The following SYNCRIP variants were observed in gnomAD, a reference collection of about 807,000 sequenced individuals.
SYNCRIP encodes the protein synaptotagmin binding cytoplasmic RNA interacting protein.
In SYNCRIP, 9 loss-of-function variants were observed where a neutral mutation model predicts 68.9. That is an observed-to-expected ratio of 0.13 (90% CI 0.08 to 0.23). The LOEUF (loss-of-function observed/expected upper bound fraction) is 0.23. SYNCRIP is among the 10% of genes least tolerant of loss of function. The pLI is 1.00. For synonymous variants in SYNCRIP, 258 were observed against 254.0 expected (o/e 1.02, Z -0.15); for missense variants, 414 against 770.6 (o/e 0.54, Z 5.48).
At chr6:85,642,509 C>A (rs1297399704) in intron 1 of SYNCRIP, among the ~76,000 whole-genome samples, 2 of 152,184 alleles carry the variant, frequency 1.3e-5, no homozygotes, top group Non-Finnish European at 2.9e-5. Context: ...GCGACCGCCA[C>A]GACAGCACCA....
chr6:85,642,362 C>G (rs1246228239), intron 1 of SYNCRIP, among the ~76,000 whole-genome samples: 1 of 152,168 alleles, frequency 6.6e-6, no homozygotes, highest in African/African-American at 2.4e-5. Context: ...GCAGTGACTG[C>G]GACGCCTGCC....
intron 6 of SYNCRIP, among the ~76,000 whole-genome samples, chr6:85,628,393 G>C (rs1172258756): frequency 2.0e-5 from 3 of 152,122 alleles, no homozygotes; most frequent in African/African-American, 4.8e-5. Flanking sequence ...TTTACAATAA[G>C]CCAAAATCTA....
Position 85,639,276 on chromosome 6 carries a change from G to A in SYNCRIP, c.375+945C>T, listed in dbSNP as rs540033548. 4.6e-5 allele frequency among the ~76,000 whole-genome samples: 7 copies of A among 152,182 alleles called. No homozygotes were observed. The East Asian group carries it at 1.3e-3, about 29-fold the overall frequency. The stretch of plus-strand genomic sequence containing the variant: ...TTGCAAAAAAAACTGAAAGCTAAAA[G>A]TCACAAACTAAAAGTTTAAAAACTT... On this transcript the variant is annotated intron_variant, in intron 4 of 10. Coordinates refer to ENST00000369622, the MANE Select transcript of SYNCRIP (RefSeq NM_006372.5).
chr6:85,633,714 G>T (rs1312773586), intron 6 of SYNCRIP, among the ~76,000 whole-genome samples: 1 of 151,932 alleles, frequency 6.6e-6, no homozygotes, highest in Admixed American at 6.5e-5. Context: ...TTTGAGACAG[G>T]GTCTCTGTTG....
rs140504135 is a variant in SYNCRIP, at chr6:85,625,747, C to A, written c.667-1635G>T. On this transcript the variant is annotated intron_variant, in intron 6 of 10. Transcript: ENST00000369622. ...TTGCCTTCCTTCCCTGAAACTTCTACCATACAAGCTCCTCTGGATACCTGT... is the reference window on the plus strand; with the variant it reads ...TTGCCTTCCTTCCCTGAAACTTCTAACATACAAGCTCCTCTGGATACCTGT... Among the ~76,000 whole-genome samples the A allele has an allele frequency of 7.9e-5, 12 of 152,266 alleles. No homozygotes were observed. In the East Asian group the frequency reaches 2.3e-3, roughly 29 times the overall value.
chr6:85,636,382 G>GGA (rs1349492292), intron 6 of SYNCRIP, among the ~76,000 whole-genome samples: 1 of 151,832 alleles, frequency 6.6e-6, no homozygotes, highest in Non-Finnish European at 1.5e-5. Flanking sequence ...AGGGGTGGAG[G>GGA]TTGCAGTGAG....
chr6:85,628,101 G>T (rs1807268230), intron 6 of SYNCRIP, among the ~76,000 whole-genome samples: 2 of 151,986 alleles, frequency 1.3e-5, no homozygotes, highest in African/African-American at 2.4e-5. Flanking sequence ...TGACACCCAG[G>T]ATGGAGTACA....
rs561096831 is a variant in SYNCRIP at position 85,635,773 on chromosome 6, CCAAAAAAAA to C, written c.666+1185_666+1193del. Among the ~76,000 whole-genome samples, 251 of 54,226 alleles carry C rather than the reference CCAAAAAAAA, an allele frequency of 4.6e-3. 4 individuals carry two copies. The highest frequency in any genetic ancestry group is 0.028 in the African/African-American group (246 of 8,648). The allele number at this position is 54,226 out of a possible 152,430, so 35.6% of individuals were successfully genotyped here. On this transcript the variant is annotated intron_variant, in intron 6 of 10. Transcript: ENST00000369622. ...AGGTGACAGAGTGAGATTCTATCTC[CCAAAAAAAA>C]AAAAAAAAAAAAAAAGAAAAGGAAG...
chr6:85,615,428 T>A, intron 10 of SYNCRIP, 81 bp from the exon 11 acceptor site: 1 of 916,788 alleles, frequency 1.1e-6, no homozygotes, highest in Non-Finnish European at 1.6e-6. Context: ...TGTAACAGTT[T>A]AAATCCAGAG....
In SYNCRIP at chr6:85,614,601, A is replaced by G. The variant is rs904936394; in HGVS notation, c.*155T>C. On this transcript the variant is annotated 3_prime_UTR_variant, in exon 11 of 11. Coordinates refer to ENST00000369622, the MANE Select transcript of SYNCRIP (RefSeq NM_006372.5). ...AAATCAGTTCGCCAGAAGCAGTTAG[A>G]AGTGTGGCTTTGTTCGTGTCCAAGC... The G allele has an allele frequency of 2.3e-6, 3 of 1,303,146 alleles. No individual in the cohort carries two copies. Among genetic ancestry groups the G allele is most frequent in the Non-Finnish European group, 9.7e-7 (1 of 1,026,494 alleles). 80.7% of individuals were successfully genotyped at this position (1,303,146 alleles called of 1,614,324 possible).
chr6:85,612,676 T>C, downstream of SYNCRIP: 1 of 427,660 alleles, frequency 2.3e-6, no homozygotes, highest in Non-Finnish European at 4.1e-6. Flanking sequence ...GTTTAATAAC[T>C]TGCACTGCAG....
chr6:85,635,840 G>A (rs1583307390), intron 6 of SYNCRIP, among the ~76,000 whole-genome samples: 1 of 149,102 alleles, frequency 6.7e-6, no homozygotes, highest in East Asian at 2.0e-4. Flanking sequence ...TTTAAGGCTT[G>A]CTTAAAGTGA....
At chr6:85,617,400 TAATA>T (rs1249928666) in intron 10 of SYNCRIP, among the ~76,000 whole-genome samples, 2 of 152,228 alleles carry the variant, frequency 1.3e-5, no homozygotes, top group African/African-American at 4.8e-5. Flanking sequence ...CATTCTACTT[TAATA>T]AATTAACCAT....
intron 6 of SYNCRIP, among the ~76,000 whole-genome samples, chr6:85,628,037 G>C (rs987200833): frequency 6.6e-6 from 1 of 151,776 alleles, no homozygotes; most frequent in Non-Finnish European, 1.5e-5. Context: ...TACCTCCAAA[G>C]CCTTCCACAT....
At chr6:85,616,528 T>A (rs2128279682) in intron 10 of SYNCRIP, among the ~76,000 whole-genome samples, 1 of 152,210 alleles carries the variant, frequency 6.6e-6, no homozygotes, top group Non-Finnish European at 1.5e-5. Flanking sequence ...TTCACCATGT[T>A]GGCCAGGCTG....
chr6:85,613,455 G>A (rs777434111), downstream of SYNCRIP, among the ~76,000 whole-genome samples: 3 of 152,148 alleles, frequency 2.0e-5, no homozygotes, highest in African/African-American at 7.2e-5. Flanking sequence ...TTCAGAAGTG[G>A]GGAGTGGCTG....
At chr6:85,637,197 T>C (rs367587913) in intron 5 of SYNCRIP, 46 bp downstream of exon 5, 4 of 1,606,804 alleles carry the variant, frequency 2.5e-6, no homozygotes, top group Admixed American at 3.4e-5. Context: ...GGAAACCAGA[T>C]ACCTGTGCTT....
chr6:85,614,090 A>G lies in SYNCRIP; in HGVS notation c.*666T>C, dbSNP rs1805501390. ...AATCAGTGTTGTGTAATGTGCAGAC[A>G]TATTCCACACAAGAATTAACAAGGC... On this transcript the variant is annotated 3_prime_UTR_variant, in exon 11 of 11. Coordinates refer to ENST00000369622, the MANE Select transcript of SYNCRIP (RefSeq NM_006372.5). 2.0e-6 allele frequency: 2 copies of G among 985,810 alleles called. No homozygotes were observed. The highest frequency in any genetic ancestry group is 2.4e-6 in the Non-Finnish European group (2 of 829,950). The allele number at this position is 985,810 out of a possible 1,614,324, so 61.1% of individuals were successfully genotyped here.
intron 6 of SYNCRIP, among the ~76,000 whole-genome samples, chr6:85,624,414 T>A (rs1486777340): frequency 6.6e-6 from 1 of 152,196 alleles, no homozygotes; most frequent in Non-Finnish European, 1.5e-5. Context: ...GTTCATCCCA[T>A]CAACCAGTTA....
Sources: gnomAD v4.1 joint callset for allele counts (sites outside exome capture counted in the v4.1 genomes callset) on GRCh38, gnomAD v4.1.1 for gene constraint, MANE v1.5 for transcripts, NCBI Gene and HGNC (gene_info 2026-07-23, HGNC 2026-07-21) for gene names.